The following PKHD1 variants were observed in gnomAD, a reference collection of about 807,000 sequenced individuals.
PKHD1 encodes PKHD1 ciliary IPT domain containing fibrocystin/polyductin, also known as fibrocystin.
A neutral mutation model predicts 412.0 loss-of-function variants in PKHD1; 291 were observed. That is an observed-to-expected ratio of 0.71 (90% CI 0.64 to 0.78). PKHD1 has a LOEUF of 0.78. Among genes scored for constraint, PKHD1 ranks in the 30% least tolerant of loss-of-function variants. The pLI, the probability that PKHD1 is intolerant of heterozygous loss-of-function variation, is 0.00. For missense variants in PKHD1, 4,825 were observed against 4,950.7 expected, an observed-to-expected ratio of 0.97 and a Z score of 0.76; for synonymous variants, 1,777 against 1,821.5, an observed-to-expected ratio of 0.98 and a Z score of 0.62.
chr6:51,641,806 A>G (rs1313893496), intron 63 of PKHD1, among the ~76,000 whole-genome samples: 1 of 152,200 alleles, frequency 6.6e-6, no homozygotes, highest in Non-Finnish European at 1.5e-5. Flanking sequence ...AAAACCAAAC[A>G]TAGCATGTTC....
chr6:51,982,203 GC>G (rs1795483255), intron 35 of PKHD1, among the ~76,000 whole-genome samples: 1 of 31,524 alleles, frequency 3.2e-5, no homozygotes, highest in Non-Finnish European at 7.6e-5. Flanking sequence ...TCAGCCCCCC[GC>G]CCGGCCAGCC....
intron 46 of PKHD1, among the ~76,000 whole-genome samples, chr6:51,872,873 TCC>T (rs1583143351): frequency 7.9e-6 from 1 of 127,102 alleles, no homozygotes; most frequent in East Asian, 2.4e-4. Flanking sequence ...TTCCATCGTT[TCC>T]TTTTTTTTTT....
At chr6:52,086,911 C>T (rs1448469785) in intron 1 of PKHD1, among the ~76,000 whole-genome samples, 2 of 152,224 alleles carry the variant, frequency 1.3e-5, no homozygotes, top group Non-Finnish European at 2.9e-5. Flanking sequence ...AGCATGAGAT[C>T]TGACTTGCTT....
rs570312522 is a variant in PKHD1 at position 52,053,907 on chromosome 6, T to C, written c.1964+131A>G. On this transcript the variant is annotated intron_variant, in intron 20 of 66. Coordinates refer to ENST00000371117, the MANE Select transcript of PKHD1 (RefSeq NM_138694.4). ...AAACTTTTTTGTCAAATAAAATATA[T>C]TCAAATCCCCAAATTAGTGTATGAG... 5.4e-6 allele frequency: 5 copies of C among 919,358 alleles called. No homozygotes were observed. In the African/African-American group the frequency reaches 8.2e-5, roughly 15 times the overall value. 57.0% of individuals were successfully genotyped at this position (919,358 alleles called of 1,614,324 possible).
At chr6:52,048,273 C>T (rs1448373333) in intron 23 of PKHD1, among the ~76,000 whole-genome samples, 2 of 152,242 alleles carry the variant, frequency 1.3e-5, no homozygotes, top group Non-Finnish European at 2.9e-5. Flanking sequence ...CACAACTATA[C>T]ATCTTCCGCA....
intron 8 of PKHD1, among the ~76,000 whole-genome samples, 169 bp downstream of exon 8, chr6:52,071,946 G>A (rs1582099893): frequency 1.3e-5 from 2 of 152,212 alleles, no homozygotes; most frequent in East Asian, 1.9e-4. Context: ...CAATCCCTGT[G>A]TCTTTTTCAG....
intron 31 of PKHD1, among the ~76,000 whole-genome samples, chr6:52,027,320 T>G (rs1362941795): frequency 6.6e-6 from 1 of 151,542 alleles, no homozygotes; most frequent in Non-Finnish European, 1.5e-5. Flanking sequence ...TCACCTGAGG[T>G]AAGGAGTTCA....
rs1244949654 is a variant in PKHD1, at chr6:51,956,224, CA to C, written c.5908+3645del. Among the ~76,000 whole-genome samples the C allele has an allele frequency of 2.0e-5, 3 of 151,662 alleles. No homozygotes were observed. The East Asian group carries it at 5.8e-4, about 29-fold the overall frequency. Reference sequence around the variant, plus strand: ...ATCATAATATGCAAATATATATAGACATATGTGTGTATGTACATATTTTGCG... The same window carrying C: ...ATCATAATATGCAAATATATATAGACTATGTGTGTATGTACATATTTTGCG... On this transcript the variant is annotated intron_variant, in intron 36 of 66. Transcript: ENST00000371117.
intron 35 of PKHD1, among the ~76,000 whole-genome samples, chr6:51,981,582 G>C (rs1242619681): frequency 1.4e-5 from 2 of 144,232 alleles, no homozygotes; most frequent in African/African-American, 4.9e-5. Context: ...GCCTCCCGGG[G>C]TGCCGGGATT....
intron 43 of PKHD1, among the ~76,000 whole-genome samples, chr6:51,889,129 G>A (rs764722530): frequency 2.0e-5 from 3 of 152,006 alleles, no homozygotes; most frequent in African/African-American, 4.8e-5. Context: ...ATCACCTGGG[G>A]GTTTTCCATG....
intron 55 of PKHD1, among the ~76,000 whole-genome samples, chr6:51,762,300 C>G (rs760468881): frequency 6.6e-6 from 1 of 152,014 alleles, no homozygotes; most frequent in Non-Finnish European, 1.5e-5. Context: ...ACAAAGTAAC[C>G]ATTTAATTTC....
At chr6:51,881,418 G>A (rs1007102311) in intron 46 of PKHD1, among the ~76,000 whole-genome samples, 2 of 152,236 alleles carry the variant, frequency 1.3e-5, no homozygotes, top group South Asian at 2.1e-4. Flanking sequence ...TAATGCTTAT[G>A]TTGTACATTA....
At position 51,847,891 on chromosome 6, in the gene PKHD1, A is replaced by T; in HGVS notation, c.7991T>A (p.Ile2664Asn). Reference protein sequence around the residue: ...VHTDLPPYPDILLRCGSRVGL... With the variant: ...VHTDLPPYPDNLLRCGSRVGL... ...CACTCGACTCCCACATCTTAGGAGG[A>T]TGTCAGGGTAAGGCGGCAAATCTGT... Residue 2664 changes from isoleucine (I) to asparagine (N), a missense_variant, in exon 50 of 67, where the codon ATC becomes AAC. Coordinates refer to ENST00000371117, the MANE Select transcript of PKHD1 (RefSeq NM_138694.4). 1 of 1,613,840 alleles carries T rather than the reference A, an allele frequency of 6.2e-7. No homozygotes were observed. The highest frequency in any genetic ancestry group is 8.5e-7 in the Non-Finnish European group (1 of 1,179,708).
In PKHD1 at chr6:52,087,037, C is replaced by T. The variant is rs1180097508; in HGVS notation, c.-85+397G>A. On this transcript the variant is annotated intron_variant, in intron 1 of 66. Coordinates refer to ENST00000371117, the MANE Select transcript of PKHD1 (RefSeq NM_138694.4). ...GCTCAGAACAATAGAAATAAACATTCGCACACTGGTTTTCTTAAAACCCTA... is the reference window on the plus strand; with the variant it reads ...GCTCAGAACAATAGAAATAAACATTTGCACACTGGTTTTCTTAAAACCCTA... Among the ~76,000 whole-genome samples the T allele has an allele frequency of 2.0e-5, 3 of 152,244 alleles. No individual in the cohort carries two copies. The South Asian group carries it at 6.2e-4, about 32-fold the overall frequency.
Position 51,855,906 on chromosome 6 carries a change from T to C in PKHD1, c.7898A>G (p.Asn2633Ser), listed in dbSNP as rs762630128. ...YSLQSENLWINRSLQYSATFD... is the reference protein window; with the variant it reads ...YSLQSENLWISRSLQYSATFD... ...TCCTTGGGTTACCTGCAGAGATCTG[T>C]TGATCCAAAGGTTCTCAGATTGCAA... is the stretch of plus-strand genomic sequence containing the variant. Residue 2633 changes from asparagine to serine, a missense_variant, in exon 49 of 67, where the codon AAC becomes AGC. By Grantham distance (46) the Asn-to-Ser change is conservative. Coordinates refer to ENST00000371117, the MANE Select transcript of PKHD1 (RefSeq NM_138694.4). 1.9e-6 allele frequency: 3 copies of C among 1,613,458 alleles called. No homozygotes were observed. Among genetic ancestry groups the C allele is most frequent in the African/African-American group, 2.7e-5 (2 of 75,048 alleles).
At chr6:51,912,062 G>GT in intron 38 of PKHD1, 106 bp from the exon 39 acceptor site, 1 of 938,952 alleles carries the variant, frequency 1.1e-6, no homozygotes, top group Non-Finnish European at 1.7e-6. Flanking sequence ...ATCTATTCAT[G>GT]TTTCTTTAGA....
Position 51,632,550 on chromosome 6 carries a change from A to C in PKHD1, c.11665+15T>G, listed in dbSNP as rs771110723. On this transcript the variant is annotated intron_variant, in intron 65 of 66. Coordinates refer to ENST00000371117, the MANE Select transcript of PKHD1 (RefSeq NM_138694.4). Reference sequence around the variant, plus strand: ...TCAGAAATTTTCATTCCAAAATAAAAAAAAAACTACATACTTCTGCTTTTG... The same window carrying C: ...TCAGAAATTTTCATTCCAAAATAAACAAAAAACTACATACTTCTGCTTTTG... 6.2e-7 allele frequency: 1 copy of C among 1,608,684 alleles called. No individual in the cohort carries two copies. Among genetic ancestry groups the C allele is most frequent in the South Asian group, 1.1e-5 (1 of 90,514 alleles).
At chr6:51,951,067 T>C (rs1301732440) in intron 36 of PKHD1, among the ~76,000 whole-genome samples, 1 of 152,188 alleles carries the variant, frequency 6.6e-6, no homozygotes, top group South Asian at 2.1e-4. Flanking sequence ...AGTGTAAACA[T>C]ATCTGTGGAA....
chr6:51,996,692 A>G (rs1205378749), intron 35 of PKHD1, among the ~76,000 whole-genome samples: 2 of 152,250 alleles, frequency 1.3e-5, no homozygotes, highest in African/African-American at 4.8e-5. Context: ...TGACTTATAC[A>G]GAAAAGGTGA....
Sources: gnomAD v4.1 joint callset for allele counts (sites outside exome capture counted in the v4.1 genomes callset) on GRCh38, gnomAD v4.1.1 for gene constraint, MANE v1.5 for transcripts, NCBI Gene and HGNC (gene_info 2026-07-23, HGNC 2026-07-21) for gene names.